LHFPL4: variants seen among roughly 807,000 people sequenced by gnomAD.
LHFPL4 encodes LHFPL tetraspan subfamily member 4.
Under a neutral mutation model 20.0 loss-of-function variants are expected in LHFPL4, and 6 were observed. That is an observed-to-expected ratio of 0.30 (90% CI 0.16 to 0.59). The LOEUF (loss-of-function observed/expected upper bound fraction) is 0.59. Ranked by LOEUF, LHFPL4 falls within the 20% of genes least tolerant of loss-of-function variation. LHFPL4 has a pLI of 0.88. For missense variants in LHFPL4, 215 were observed against 331.2 expected, an observed-to-expected ratio of 0.65 and a Z score of 2.72; for synonymous variants, 129 against 143.8, an observed-to-expected ratio of 0.90 and a Z score of 0.74.
At chr3:9,508,220 CCTT>C (rs2046232495) in intron 2 of LHFPL4, among the ~76,000 whole-genome samples, 1 of 152,036 alleles carries the variant, frequency 6.6e-6, no homozygotes, top group Admixed American at 6.6e-5. Flanking sequence ...AGTGGGCCCT[CCTT>C]CTCATCGTGG....
At chr3:9,533,558 G>A (rs1276468342) in intron 2 of LHFPL4, among the ~76,000 whole-genome samples, 1 of 152,180 alleles carries the variant, frequency 6.6e-6, no homozygotes, top group Admixed American at 6.5e-5. Context: ...CAAGGTGGGC[G>A]GATCACGAGG....
In LHFPL4 at chr3:9,552,570, T is replaced by A; in HGVS notation, c.110A>T (p.Asn37Ile). The change falls in exon 2 of 4, where the codon AAC becomes ATC. Residue 37 changes from asparagine to isoleucine, a missense_variant. Around this residue, in one of 2 missense-constraint regions of LHFPL4, gnomAD observed 164 missense variants for 286.7 expected, o/e 0.57. Coordinates refer to ENST00000287585, the MANE Select transcript of LHFPL4 (RefSeq NM_198560.3). Reference sequence around the variant, plus strand: ...GTAGGGCTGGATGAAGACCACCACGTTGATGATGGCGAAGCAGATGGTGAA... The same window carrying A: ...GTAGGGCTGGATGAAGACCACCACGATGATGATGGCGAAGCAGATGGTGAA... ...AIFTICFAII[N>I]VVVFIQPYWV... is the part of the protein sequence containing the mutation. 1 of 1,613,950 alleles carries A rather than the reference T, an allele frequency of 6.2e-7. No homozygotes were observed.
chr3:9,514,936 G>T (rs556853932), intron 2 of LHFPL4, among the ~76,000 whole-genome samples: 3 of 152,252 alleles, frequency 2.0e-5, no homozygotes, highest in African/African-American at 7.2e-5. Context: ...CCAAATTTTG[G>T]CAGTTATGAA....
intron 2 of LHFPL4, among the ~76,000 whole-genome samples, chr3:9,528,938 G>A (rs11922048): frequency 0.014 from 2,108 of 148,082 alleles, 46 homozygotes; most frequent in African/African-American, 0.05. Context: ...TTTTTTTTGA[G>A]ATGGAATCTC....
intron 2 of LHFPL4, among the ~76,000 whole-genome samples, chr3:9,533,579 G>A (rs1442287506): frequency 2.0e-5 from 3 of 152,188 alleles, no homozygotes; most frequent in African/African-American, 4.8e-5. Context: ...TCAGGAGATC[G>A]AGACCATCCT....
chr3:9,505,291 T>C (rs2046209440), intron 3 of LHFPL4, among the ~76,000 whole-genome samples: 1 of 150,564 alleles, frequency 6.6e-6, no homozygotes, highest in African/African-American at 2.4e-5. Flanking sequence ...TTTTTTGAGA[T>C]AGGCTCTCAC....
At position 9,516,227 on chromosome 3, in the gene LHFPL4, AC is replaced by A. The variant is rs545992249; in HGVS notation, c.407-10025del. 2.6e-5 allele frequency among the ~76,000 whole-genome samples: 4 copies of A among 152,224 alleles called. No individual in the cohort carries two copies. In the South Asian group the frequency reaches 8.3e-4, roughly 32 times the overall value. On this transcript the variant is annotated intron_variant, in intron 2 of 3. Transcript: ENST00000287585. Reference sequence around the variant, plus strand: ...ATTTTCTATGAGTTTCACAGGTTTCACATTTATGTCTGTGAAACATTTTGAA... The same window carrying A: ...ATTTTCTATGAGTTTCACAGGTTTCAATTTATGTCTGTGAAACATTTTGAA...
At chr3:9,544,214 T>TA (rs1438837274) in intron 2 of LHFPL4, among the ~76,000 whole-genome samples, 1 of 152,008 alleles carries the variant, frequency 6.6e-6, no homozygotes, top group Non-Finnish European at 1.5e-5. Context: ...GTACCCTTTT[T>TA]ACCTTCCAAA....
intron 2 of LHFPL4, among the ~76,000 whole-genome samples, chr3:9,521,495 G>A (rs563243735): frequency 1.3e-5 from 2 of 151,822 alleles, no homozygotes; most frequent in African/African-American, 4.8e-5. Flanking sequence ...TCCACCTCCA[G>A]CTTCACGCCA....
intron 2 of LHFPL4, among the ~76,000 whole-genome samples, chr3:9,551,643 A>G (rs1351747820): frequency 6.6e-6 from 1 of 152,028 alleles, no homozygotes; most frequent in Non-Finnish European, 1.5e-5. Context: ...GGGGATGGAG[A>G]CCTGCCCTCC....
chr3:9,536,641 C>G (rs766459447), intron 2 of LHFPL4, among the ~76,000 whole-genome samples: 11 of 152,296 alleles, frequency 7.2e-5, no homozygotes, highest in South Asian at 6.2e-4. Flanking sequence ...GTTCCACATT[C>G]AGCATCCAGA....
chr3:9,511,740 G>C (rs142108896), intron 2 of LHFPL4, among the ~76,000 whole-genome samples: 181 of 152,312 alleles, frequency 1.2e-3, no homozygotes, highest in Middle Eastern at 3.4e-3. Context: ...CTATTAGTAA[G>C]TGTGAGAGGA....
At chr3:9,510,408 G>A (rs532071539) in intron 2 of LHFPL4, among the ~76,000 whole-genome samples, 2 of 146,446 alleles carry the variant, frequency 1.4e-5, no homozygotes, top group African/African-American at 5.1e-5. Flanking sequence ...TTGCACTACA[G>A]CCTAGGCATC....
intron 2 of LHFPL4, among the ~76,000 whole-genome samples, chr3:9,523,709 G>A (rs1443634587): frequency 2.0e-5 from 3 of 152,008 alleles, no homozygotes; most frequent in Admixed American, 2.0e-4. Flanking sequence ...CTGACCTCAG[G>A]TAATCTACCC....
At chr3:9,515,354 T>C (rs550390799) in intron 2 of LHFPL4, among the ~76,000 whole-genome samples, 1 of 152,308 alleles carries the variant, frequency 6.6e-6, no homozygotes, top group Non-Finnish European at 1.5e-5. Context: ...TTTCTTTTCT[T>C]ATTTTTGAGT....
chr3:9,517,506 C>G (rs1419250726), intron 2 of LHFPL4, among the ~76,000 whole-genome samples: 1 of 150,852 alleles, frequency 6.6e-6, no homozygotes, highest in African/African-American at 2.4e-5. Flanking sequence ...TCACTTTTTC[C>G]AGTCTGAGAA....
At chr3:9,511,951 T>A (rs1324261407) in intron 2 of LHFPL4, among the ~76,000 whole-genome samples, 2 of 130,700 alleles carry the variant, frequency 1.5e-5, no homozygotes, top group Non-Finnish European at 3.3e-5. Context: ...TTTTTTTTTT[T>A]AGACGGAATC....
At chr3:9,526,741 A>AACAC (rs1444977252) in intron 2 of LHFPL4, among the ~76,000 whole-genome samples, 1 of 151,492 alleles carries the variant, frequency 6.6e-6, no homozygotes, top group African/African-American at 2.4e-5. Context: ...AGAGAAGAGA[A>AACAC]ACACACACAC....
intron 2 of LHFPL4, among the ~76,000 whole-genome samples, chr3:9,539,186 G>A (rs1252456375): frequency 6.6e-6 from 1 of 152,132 alleles, no homozygotes; most frequent in Non-Finnish European, 1.5e-5. Flanking sequence ...TGGGCATGGT[G>A]GCTCACACCT....
Sources: gnomAD v4.1 joint callset for allele counts (sites outside exome capture counted in the v4.1 genomes callset) on GRCh38, gnomAD v4.1.1 for gene constraint, gnomAD v4.1.1 regional missense constraint, MANE v1.5 for transcripts, NCBI Gene and HGNC (gene_info 2026-07-23, HGNC 2026-07-21) for gene names.